Variants in CASK observed in about 807,000 individuals in gnomAD.
CASK encodes the protein calcium/calmodulin dependent serine protein kinase.
A neutral mutation model predicts 82.9 loss-of-function variants in CASK; 4 were observed. The ratio of observed to expected loss-of-function variants is 0.05; its 90% CI spans 0.02 to 0.11. CASK has a LOEUF of 0.11. Ranked by LOEUF, CASK falls within the 10% of genes least tolerant of loss-of-function variation. CASK has a pLI of 1.00. For synonymous variants in CASK, 259 were observed against 253.5 expected (o/e 1.02, Z -0.20); for missense variants, 358 against 720.9 (o/e 0.50, Z 5.76).
At chrX:41,891,644 G>T (rs184144312) in intron 1 of CASK, among the ~76,000 whole-genome samples, 1 of 110,709 alleles carries the variant, frequency 9.0e-6, no homozygotes, top group Non-Finnish European at 1.9e-5. Flanking sequence ...CAATCATATC[G>T]AACAAAGAGG....
chrX:41,593,531 C>T (rs1008947694), intron 12 of CASK, among the ~76,000 whole-genome samples: 1 of 111,464 alleles, frequency 9.0e-6, no homozygotes, highest in Admixed American at 9.5e-5. Context: ...TAACCAAAGG[C>T]CCAGAAATGT....
chrX:41,569,955 T>A (rs1224484575), intron 15 of CASK, among the ~76,000 whole-genome samples: 1 of 109,152 alleles, frequency 9.2e-6, no homozygotes, highest in Non-Finnish European at 1.9e-5. Context: ...GATTGCTATA[T>A]ACATATATTT....
In CASK at chrX:41,843,082, C is replaced by T. The variant is rs763709332; in HGVS notation, c.172+10033G>A. On this transcript the variant is annotated intron_variant, in intron 2 of 26. Transcript: ENST00000378163. ...CTTTTTGTGAATTTCTTTGGATTTT[C>T]ATATATACATGATAATGTTATATGC... Among the ~76,000 whole-genome samples, 4 of 111,525 alleles carry T rather than the reference C, an allele frequency of 3.6e-5. No homozygotes were observed. In the South Asian group the frequency reaches 1.5e-3, roughly 41 times the overall value.
chrX:41,787,234 A>T lies in CASK; in HGVS notation c.222T>A (p.Ile74=). Residue 74 remains isoleucine, a synonymous_variant, in exon 3 of 27, where the codon ATT becomes ATA. Transcript: ENST00000378163. The stretch of plus-strand genomic sequence containing the variant: ...AGCTATATGTCTCCAATAACTCTAC[A>T]ATGTGTGGATGTTTCAGCATATGAC... ...SICHMLKHPH[I]VELLETYSSD... 1 of 1,199,649 alleles carries T rather than the reference A, an allele frequency of 8.3e-7. No homozygotes were observed. Among genetic ancestry groups the T allele is most frequent in the Non-Finnish European group, 1.1e-6 (1 of 884,564 alleles).
intron 1 of CASK, among the ~76,000 whole-genome samples, chrX:41,897,845 T>C (rs2072297299): frequency 8.9e-6 from 1 of 112,159 alleles, no homozygotes; most frequent in Non-Finnish European, 1.9e-5. Context: ...GATTTTAATA[T>C]GCAGTTGAAT....
chrX:41,873,785 C>CTT (rs781735208), intron 1 of CASK, among the ~76,000 whole-genome samples: 79 of 88,572 alleles, frequency 8.9e-4, no homozygotes, highest in African/African-American at 1.8e-3. Flanking sequence ...TTTGTTGTTC[C>CTT]TTTTTTTTTT....
intron 3 of CASK, among the ~76,000 whole-genome samples, chrX:41,758,137 TAAGA>T (rs1290267696): frequency 7.2e-5 from 8 of 111,523 alleles, no homozygotes; most frequent in Non-Finnish European, 1.5e-4. Flanking sequence ...AAGGAGAGAT[TAAGA>T]AAGTCTTCAT....
chrX:41,884,771 T>C (rs2072018302), intron 1 of CASK, among the ~76,000 whole-genome samples: 1 of 111,399 alleles, frequency 9.0e-6, no homozygotes, highest in Non-Finnish European at 1.9e-5. Context: ...GCAAATGGGA[T>C]GACTGGAGCC....
At chrX:41,637,969 T>C (rs2066587688) in intron 8 of CASK, among the ~76,000 whole-genome samples, 1 of 111,496 alleles carries the variant, frequency 9.0e-6, no homozygotes, top group Non-Finnish European at 1.9e-5. Context: ...TTAAACCTCT[T>C]CTTACTCTTC....
intron 3 of CASK, among the ~76,000 whole-genome samples, chrX:41,767,795 C>A (rs922357880): frequency 9.0e-6 from 1 of 111,503 alleles, no homozygotes; most frequent in South Asian, 3.8e-4. Context: ...CTTCTCATCA[C>A]ATCATATCAA....
At chrX:41,811,948 A>T (rs2070297406) in intron 2 of CASK, among the ~76,000 whole-genome samples, 1 of 112,002 alleles carries the variant, frequency 8.9e-6, no homozygotes, top group Non-Finnish European at 1.9e-5. Flanking sequence ...CCATCAGAGA[A>T]TACTATAAAC....
intron 5 of CASK, among the ~76,000 whole-genome samples, chrX:41,704,108 T>C (rs1230800087): frequency 9.0e-6 from 1 of 110,922 alleles, no homozygotes; most frequent in African/African-American, 3.3e-5. Context: ...GAAGTAGTTC[T>C]TTATATATTC....
chrX:41,611,646 TCTCTCCCTCTCC>T (rs1169731840), intron 11 of CASK, among the ~76,000 whole-genome samples: 2 of 11,470 alleles, frequency 1.7e-4, no homozygotes, highest in South Asian at 0.013. Flanking sequence ...TCTCCCTCTC[TCTCTCCCTCTCC>T]CTCTCTCTCT....
chrX:41,682,529 GAAAAAAAAAAAAAAAA>G (rs869093187), intron 5 of CASK, among the ~76,000 whole-genome samples: 14 of 23,175 alleles, frequency 6.0e-4, no homozygotes, highest in African/African-American at 2.9e-3. Context: ...ACTGTCTCAG[GAAAAAAAAAAAAAAAA>G]AAAAAAAAAA....
chrX:41,716,835 C>A (rs768585915), intron 5 of CASK, among the ~76,000 whole-genome samples: 5 of 111,793 alleles, frequency 4.5e-5, no homozygotes, highest in African/African-American at 1.6e-4. Flanking sequence ...GCCTATGGAA[C>A]CTTACTCTAT....
intron 15 of CASK, chrX:41,570,917 T>C (rs1371478440): frequency 1.8e-5 from 2 of 112,115 alleles, no homozygotes; most frequent in Non-Finnish European, 3.8e-5. Context: ...AACATATATA[T>C]ATTTTAAAGA....
At chrX:41,706,779 G>A (rs953800090) in intron 5 of CASK, among the ~76,000 whole-genome samples, 4 of 111,652 alleles carry the variant, frequency 3.6e-5, no homozygotes, top group Middle Eastern at 4.3e-3. Context: ...AGTCTCCCAC[G>A]TAGTAGGGAC....
chrX:41,547,793 T>A lies in CASK; in HGVS notation c.2040-4987A>T, dbSNP rs186497543. ...GCCCACCACCAGGCCCGGCTAATTT[T>A]TTTGTATTTTTAGTAGAGACGGGGT... On this transcript the variant is annotated intron_variant, in intron 21 of 26. Coordinates refer to ENST00000378163, the MANE Select transcript of CASK (RefSeq NM_001367721.1). 3.5e-3 allele frequency among the ~76,000 whole-genome samples: 385 copies of A among 110,534 alleles called. 1 individual carries two copies. The highest frequency in any genetic ancestry group is 0.012 in the African/African-American group (374 of 30,394).
chrX:41,589,563 T>C lies in CASK; in HGVS notation c.1185A>G (p.Ser395=), dbSNP rs773949637. The C allele has an allele frequency of 1.5e-5, 18 of 1,203,866 alleles. No homozygotes were observed. Among genetic ancestry groups the C allele is most frequent in the Non-Finnish European group, 1.2e-5 (11 of 888,294 alleles). Residue 395 remains serine (S), a synonymous_variant, in exon 13 of 27, where the codon TCA becomes TCG. Transcript: ENST00000378163. ...CGCTTGGAGGATTCCTGATTTGTGG[T>C]GAAGACTTTGTGTTAATTTTGTCAT... ...DLYDKINTKS[S]PQIRNPPSDA... is the part of the protein sequence containing the mutation.
Sources: allele counts gnomAD v4.1 joint callset (sites outside exome capture counted in the v4.1 genomes callset), GRCh38; gene constraint gnomAD v4.1.1; transcripts MANE v1.5; gene names NCBI Gene and HGNC (gene_info 2026-07-23, HGNC 2026-07-21).